CADM2: variants seen among roughly 807,000 people sequenced by gnomAD.
The protein encoded by CADM2 is immunoglobulin superfamily member 4D.
Under a neutral mutation model 49.8 loss-of-function variants are expected in CADM2, and 12 were observed. The ratio of observed to expected loss-of-function variants is 0.24; its 90% CI spans 0.15 to 0.39. CADM2 has a LOEUF of 0.39. CADM2 is among the 10% of genes least tolerant of loss of function. The pLI, the probability that CADM2 is intolerant of heterozygous loss-of-function variation, is 1.00. For synonymous variants in CADM2, 214 were observed against 175.4 expected, an observed-to-expected ratio of 1.22 and a Z score of -1.74; for missense variants, 378 against 492.3, an observed-to-expected ratio of 0.77 and a Z score of 2.20.
chr3:84,962,312 G>A (rs2030616049), intron 1 of CADM2, among the ~76,000 whole-genome samples: 2 of 151,002 alleles, frequency 1.3e-5, no homozygotes, highest in South Asian at 2.1e-4. Flanking sequence ...GGGGCACAAA[G>A]CACCACTGGA....
At chr3:85,132,408 T>C (rs2039261983) in intron 1 of CADM2, among the ~76,000 whole-genome samples, 1 of 152,132 alleles carries the variant, frequency 6.6e-6, no homozygotes, top group South Asian at 2.1e-4. Context: ...GTTTTACAGG[T>C]AGAGGCTTAA....
intron 1 of CADM2, among the ~76,000 whole-genome samples, chr3:85,334,600 G>A (rs1282428732): frequency 6.6e-6 from 1 of 151,442 alleles, no homozygotes; most frequent in Admixed American, 6.6e-5. Flanking sequence ...ATTTTACTTG[G>A]ATTCCTCAGC....
rs1193955893 is a variant in CADM2 at position 85,766,554 on chromosome 3, A to G, written c.89-35493A>G. ...CAAGTGAGTGGCACATGCCTTGCAC[A>G]TTTGGAGCAACCAAGAGACTCCTGT... On this transcript the variant is annotated intron_variant, in intron 2 of 9. Coordinates refer to ENST00000383699, the MANE Select transcript of CADM2 (RefSeq NM_001167675.2). 2.0e-5 allele frequency among the ~76,000 whole-genome samples: 3 copies of G among 152,184 alleles called. No homozygotes were observed. In the East Asian group the frequency reaches 5.8e-4, roughly 29 times the overall value.
intron 1 of CADM2, among the ~76,000 whole-genome samples, chr3:85,149,814 C>T (rs867540291): frequency 3.3e-5 from 5 of 152,210 alleles, no homozygotes; most frequent in Non-Finnish European, 5.9e-5. Context: ...TAGTTCAAAT[C>T]GTCTGCATAA....
chr3:85,639,102 A>G (rs2064618982), intron 1 of CADM2, among the ~76,000 whole-genome samples: 1 of 152,204 alleles, frequency 6.6e-6, no homozygotes, highest in African/African-American at 2.4e-5. Flanking sequence ...ATATGGGTAA[A>G]TGGTAAATAA....
intron 1 of CADM2, among the ~76,000 whole-genome samples, chr3:85,020,647 A>G (rs1357992824): frequency 6.6e-6 from 1 of 152,136 alleles, no homozygotes; most frequent in Non-Finnish European, 1.5e-5. Flanking sequence ...AAAAAATACC[A>G]TTTTTCAAAT....
intron 1 of CADM2, among the ~76,000 whole-genome samples, chr3:85,722,382 CTA>C (rs2067537877): frequency 6.6e-6 from 1 of 152,198 alleles, no homozygotes; most frequent in South Asian, 2.1e-4. Context: ...AGCTCTAACT[CTA>C]TTGCCTCCTC....
At chr3:85,041,110 T>A (rs1265750004) in intron 1 of CADM2, among the ~76,000 whole-genome samples, 1 of 152,188 alleles carries the variant, frequency 6.6e-6, no homozygotes, top group Non-Finnish European at 1.5e-5. Context: ...TAATTCTTCT[T>A]CCTTTAATTA....
intron 6 of CADM2, among the ~76,000 whole-genome samples, chr3:85,926,500 A>G (rs1227318899): frequency 6.6e-6 from 1 of 152,168 alleles, no homozygotes. Context: ...TATTAATGTT[A>G]AGTTCTGAGA....
chr3:85,124,837 G>A (rs554233017), intron 1 of CADM2, among the ~76,000 whole-genome samples: 68 of 152,202 alleles, frequency 4.5e-4, no homozygotes, highest in African/African-American at 1.6e-3. Context: ...ATTAAACACT[G>A]TACCAAAGTT....
chr3:85,180,208 C>G (rs2040894457), intron 1 of CADM2, among the ~76,000 whole-genome samples: 1 of 151,882 alleles, frequency 6.6e-6, no homozygotes, highest in South Asian at 2.1e-4. Flanking sequence ...AAGATACTTT[C>G]AGGTTAAAAA....
chr3:85,867,069 CTTA>C (rs1195432162), intron 3 of CADM2, among the ~76,000 whole-genome samples: 3 of 151,956 alleles, frequency 2.0e-5, no homozygotes, highest in African/African-American at 4.8e-5. Flanking sequence ...TATAAATTCC[CTTA>C]TTATTATTTT....
chr3:85,159,088 A>C (rs1458370002), intron 1 of CADM2, among the ~76,000 whole-genome samples: 1 of 151,688 alleles, frequency 6.6e-6, no homozygotes, highest in Non-Finnish European at 1.5e-5. Flanking sequence ...ACCTATAAAC[A>C]TATTTTATAC....
chr3:85,629,415 A>G (rs972814659), intron 1 of CADM2, among the ~76,000 whole-genome samples: 30 of 151,928 alleles, frequency 2.0e-4, no homozygotes, highest in Admixed American at 1.8e-3. Flanking sequence ...ACACACACAG[A>G]GATATCTAAT....
At chr3:85,854,312 A>G (rs978177963) in intron 3 of CADM2, among the ~76,000 whole-genome samples, 2 of 152,186 alleles carry the variant, frequency 1.3e-5, no homozygotes, top group African/African-American at 4.8e-5. Flanking sequence ...TCATTCTACT[A>G]TAAAGACACA....
chr3:86,041,871 A>G (rs1028313932), intron 8 of CADM2, among the ~76,000 whole-genome samples: 1 of 152,220 alleles, frequency 6.6e-6, no homozygotes, highest in East Asian at 1.9e-4. Flanking sequence ...AAATTATAAC[A>G]AACTGTCTGT....
chr3:85,973,270 G>A (rs1051376170), intron 8 of CADM2, among the ~76,000 whole-genome samples: 2 of 151,718 alleles, frequency 1.3e-5, no homozygotes, highest in African/African-American at 4.8e-5. Context: ...AGGATGCTGA[G>A]GCAGAAAGAT....
chr3:85,716,782 G>A (rs890623518), intron 1 of CADM2, among the ~76,000 whole-genome samples: 6 of 152,040 alleles, frequency 3.9e-5, no homozygotes, highest in African/African-American at 1.4e-4. Flanking sequence ...GTTTTTGTCA[G>A]GTTTTCAAAG....
At chr3:85,559,553 G>A (rs2062038262) in intron 1 of CADM2, among the ~76,000 whole-genome samples, 1 of 151,526 alleles carries the variant, frequency 6.6e-6, no homozygotes, top group South Asian at 2.1e-4. Context: ...AAATTATATA[G>A]TAAATATATT....
Sources: allele counts gnomAD v4.1 joint callset (sites outside exome capture counted in the v4.1 genomes callset), GRCh38; gene constraint gnomAD v4.1.1; transcripts MANE v1.5; gene names NCBI Gene and HGNC (gene_info 2026-07-23, HGNC 2026-07-21).